TERF1: variants seen among roughly 807,000 people sequenced by gnomAD.
TERF1 encodes telomeric repeat-binding factor 1.
Under a neutral mutation model 55.1 loss-of-function variants are expected in TERF1, and 20 were observed. That is an observed-to-expected ratio of 0.36 (90% confidence interval 0.26 to 0.53). The LOEUF is 0.53. Among genes scored for constraint, TERF1 ranks in the 20% least tolerant of loss-of-function variants. The probability of loss-of-function intolerance (pLI) is 0.91; values close to 1 mark genes in which losing one functional copy is unlikely to be tolerated. For missense variants in TERF1, 439 were observed against 535.7 expected (o/e 0.82, Z 1.78); for synonymous variants, 168 against 181.2 (o/e 0.93, Z 0.59).
At chr8:73,037,957 A>G (rs1433822711) in intron 8 of TERF1, among the ~76,000 whole-genome samples, 2 of 135,406 alleles carry the variant, frequency 1.5e-5, no homozygotes, top group Non-Finnish European at 3.1e-5. Context: ...AAACATATAT[A>G]TATTTTTCCC....
chr8:73,037,322 A>G (rs1809576110), intron 8 of TERF1, among the ~76,000 whole-genome samples: 1 of 129,958 alleles, frequency 7.7e-6, no homozygotes, highest in Non-Finnish European at 1.6e-5. Flanking sequence ...TTACCTACCT[A>G]CCTACCTAAC....
chr8:73,025,537 G>A (rs758393722), intron 5 of TERF1, among the ~76,000 whole-genome samples: 31 of 151,880 alleles, frequency 2.0e-4, no homozygotes, highest in African/African-American at 2.9e-4. Context: ...TGAATCACAC[G>A]GTCAGGCGGA....
In TERF1 at chr8:73,030,445, A is replaced by G. The variant is rs1425460271; in HGVS notation, c.947+50A>G. 4 of 1,254,732 alleles carry G rather than the reference A, an allele frequency of 3.2e-6. No individual in the cohort carries two copies. The Admixed American group carries it at 9.6e-5, about 30-fold the overall frequency. The allele number at this position is 1,254,732 out of a possible 1,614,324, so 77.7% of individuals were successfully genotyped here. On this transcript the variant is annotated intron_variant, in intron 7 of 9. Transcript: ENST00000276603. ...CTTTGTCTTTCAAATCTTTGATTGA[A>G]GCAATTCATGCAGACCTAATAAAAA... is the stretch of plus-strand genomic sequence containing the variant.
intron 7 of TERF1, 62 bp from the exon 8 acceptor site, chr8:73,031,980 C>A: frequency 8.8e-7 from 1 of 1,139,478 alleles, no homozygotes; most frequent in Non-Finnish European, 1.3e-6. Context: ...AATCATTTAC[C>A]TGTTTTCCAT....
At chr8:73,038,883 T>C in intron 8 of TERF1, 5 of 533,468 alleles carry the variant, frequency 9.4e-6, no homozygotes, top group Non-Finnish European at 1.3e-5. Flanking sequence ...GGATGTGAAA[T>C]GATTTATTTA....
chr8:73,039,005 T>C lies in TERF1; in HGVS notation c.1040-111T>C, dbSNP rs1275367489. On this transcript the variant is annotated intron_variant, in intron 8 of 9. Coordinates refer to ENST00000276603, the MANE Select transcript of TERF1 (RefSeq NM_017489.3). ...TTGAAGGAAAAAGTTAAACATGTAC[T>C]TTTTCTTAGAATAGCTTAGAAAAGG... 9.1e-6 allele frequency: 8 copies of C among 879,076 alleles called. No individual in the cohort carries two copies. The East Asian group carries it at 1.9e-4, about 21-fold the overall frequency. 54.5% of individuals were successfully genotyped at this position (879,076 alleles called of 1,614,324 possible). A position where few individuals can be genotyped will look rare whatever the true frequency, so the allele number is the denominator to read the frequency against.
intron 6 of TERF1, among the ~76,000 whole-genome samples, chr8:73,029,590 C>T (rs572960056): frequency 2.8e-5 from 4 of 143,584 alleles, no homozygotes; most frequent in South Asian, 2.2e-4. Context: ...CGGTGACCCT[C>T]GGCGAGACCC....
chr8:73,028,630 C>G (rs1373010700), intron 6 of TERF1, among the ~76,000 whole-genome samples: 2 of 146,728 alleles, frequency 1.4e-5, no homozygotes, highest in African/African-American at 5.1e-5. Flanking sequence ...GAACTCCTCC[C>G]TGTCCACATA....
At chr8:73,009,323 C>G (rs1193875538) in intron 1 of TERF1, 118 bp downstream of exon 1, 8 of 480,896 alleles carry the variant, frequency 1.7e-5, no homozygotes, top group Admixed American at 1.3e-4. Flanking sequence ...GGCCGATTAG[C>G]TGGGAGTCCG....
chr8:73,037,700 AATATT>A (rs10539006), intron 8 of TERF1, among the ~76,000 whole-genome samples: 48,247 of 79,362 alleles, frequency 0.61, 15,411 homozygotes, highest in Non-Finnish European at 0.69. Flanking sequence ...TATATAGTAT[AATATT>A]ATATTATATA....
At chr8:73,026,794 T>C (rs1809026104) in intron 5 of TERF1, 146 bp from the exon 6 acceptor site, 1 of 635,728 alleles carries the variant, frequency 1.6e-6, no homozygotes, top group African/African-American at 1.9e-5. Context: ...TTGGTGAAAA[T>C]AACAACACAG....
chr8:73,036,623 A>C (rs1809523557), intron 8 of TERF1, among the ~76,000 whole-genome samples: 1 of 151,590 alleles, frequency 6.6e-6, no homozygotes, highest in Non-Finnish European at 1.5e-5. Context: ...GGGATACCAG[A>C]ATTCTCAAAT....
chr8:73,018,169 T>C (rs1331148072), intron 2 of TERF1, among the ~76,000 whole-genome samples: 1 of 151,578 alleles, frequency 6.6e-6, no homozygotes, highest in Non-Finnish European at 1.5e-5. Flanking sequence ...GGTCAGGAAC[T>C]TTTTTTTTCA....
chr8:73,025,902 A>G (rs1034482952), intron 5 of TERF1, among the ~76,000 whole-genome samples: 8 of 150,362 alleles, frequency 5.3e-5, no homozygotes, highest in Non-Finnish European at 1.0e-4. Flanking sequence ...TCTCAAAAAA[A>G]AGACATTTCT....
intron 5 of TERF1, among the ~76,000 whole-genome samples, chr8:73,026,314 A>G (rs894676803): frequency 1.3e-5 from 2 of 152,106 alleles, no homozygotes; most frequent in African/African-American, 4.8e-5. Flanking sequence ...CCTGGGCAAC[A>G]TGGCAAAACC....
chr8:73,025,754 CAAAAAAAA>C (rs35028162), intron 5 of TERF1, among the ~76,000 whole-genome samples: 3 of 47,264 alleles, frequency 6.3e-5, no homozygotes, highest in African/African-American at 1.5e-4. Context: ...GACTCTGTCT[CAAAAAAAA>C]AAAAAAAAAA....
rs370999354 is a variant in TERF1 at position 73,008,948 on chromosome 8, C to T, written c.62C>T (p.Ala21Val). The change falls in exon 1 of 10, where the codon GCC becomes GTC. Residue 21 changes from alanine (A) to valine (V), a missense_variant. By Grantham distance (64) the Ala-to-Val change is moderately conservative. Around this residue, in one of 4 missense-constraint regions of TERF1, gnomAD observed 179 missense variants for 152.6 expected, o/e 1.17. Transcript: ENST00000276603. ...CGGGGCTGTGCGGATGGTAGGGATG[C>T]CGACCCTACTGAGGAGCAGATGGCA... ...SPRGCADGRD[A>V]DPTEEQMAET... The T allele has an allele frequency of 8.1e-6, 13 of 1,612,782 alleles. No homozygotes were observed. Among genetic ancestry groups the T allele is most frequent in the Admixed American group, 3.3e-5 (2 of 59,906 alleles).
In TERF1 at chr8:73,008,918, G is replaced by C; in HGVS notation, c.32G>C (p.Ser11Thr). 6.2e-7 allele frequency: 1 copy of C among 1,611,428 alleles called. No homozygotes were observed. Among genetic ancestry groups the C allele is most frequent in the Non-Finnish European group, 8.5e-7 (1 of 1,179,060 alleles). The change falls in exon 1 of 10, where the codon AGC becomes ACC. Residue 11 changes from serine (S) to threonine (T), a missense_variant. Physicochemically the swap from Ser to Thr is moderately conservative, Grantham distance 58 (BLOSUM62 1). Transcript: ENST00000276603. MAEDVSSAAP[S>T]PRGCADGRDA... ...GAGGATGTTTCCTCAGCGGCCCCGA[G>C]CCCGCGGGGCTGTGCGGATGGTAGG...
chr8:73,031,982 G>T (rs1809305251), intron 7 of TERF1, 60 bp from the exon 8 acceptor site: 1 of 1,190,604 alleles, frequency 8.4e-7, no homozygotes, highest in Non-Finnish European at 1.2e-6. Flanking sequence ...TCATTTACCT[G>T]TTTTCCATTG....
Sources: gnomAD v4.1 joint callset for allele counts (sites outside exome capture counted in the v4.1 genomes callset) on GRCh38, gnomAD v4.1.1 for gene constraint, gnomAD v4.1.1 regional missense constraint, MANE v1.5 for transcripts, NCBI Gene and HGNC (gene_info 2026-07-23, HGNC 2026-07-21) for gene names.